HS3ST5: variants seen among roughly 807,000 people sequenced by gnomAD.
HS3ST5 encodes heparan sulfate glucosamine 3-O-sulfotransferase 5.
In HS3ST5, 10 loss-of-function variants were observed where a neutral mutation model predicts 25.4. The ratio of observed to expected loss-of-function variants is 0.39; its 90% CI spans 0.24 to 0.67. The LOEUF (loss-of-function observed/expected upper bound fraction) is 0.67, where lower values mean the gene tolerates loss of function less well. HS3ST5 is among the 30% of genes least tolerant of loss of function. The pLI is 0.44. For missense variants in HS3ST5, 324 were observed against 420.7 expected (o/e 0.77, Z 2.01); for synonymous variants, 170 against 162.4 (o/e 1.05, Z -0.36).
intron 3 of HS3ST5, among the ~76,000 whole-genome samples, chr6:114,111,861 C>T (rs1383630075): frequency 1.3e-5 from 2 of 152,170 alleles, no homozygotes; most frequent in Admixed American, 1.3e-4. Flanking sequence ...TTTGAAACCT[C>T]CTGCCTCAAC....
chr6:114,331,694 T>TA (rs1032213339), intron 1 of HS3ST5, among the ~76,000 whole-genome samples: 75 of 152,124 alleles, frequency 4.9e-4, no homozygotes, highest in Admixed American at 1.3e-3. Context: ...CATGCACATC[T>TA]AAAAAAAGAG....
At chr6:114,232,290 A>G (rs1484501124) in intron 1 of HS3ST5, among the ~76,000 whole-genome samples, 16 of 152,208 alleles carry the variant, frequency 1.1e-4, no homozygotes, top group Admixed American at 1.0e-3. Context: ...ATGACCAATC[A>G]TTTGGTGATG....
intron 1 of HS3ST5, among the ~76,000 whole-genome samples, chr6:114,288,732 C>G (rs759828907): frequency 2.6e-5 from 4 of 152,076 alleles, no homozygotes; most frequent in Non-Finnish European, 5.9e-5. Flanking sequence ...TCCAAAATTT[C>G]TCACCTGCTT....
intron 3 of HS3ST5, among the ~76,000 whole-genome samples, chr6:114,152,330 T>C (rs1210211094): frequency 1.3e-5 from 2 of 151,578 alleles, no homozygotes; most frequent in Admixed American, 1.3e-4. Context: ...TTCACACTTC[T>C]TTGTTTCAGT....
At chr6:114,338,587 C>A (rs1380931487) in intron 1 of HS3ST5, among the ~76,000 whole-genome samples, 2 of 151,932 alleles carry the variant, frequency 1.3e-5, no homozygotes, top group African/African-American at 4.8e-5. Flanking sequence ...ATATGAATTT[C>A]CATATGTAAT....
At chr6:114,105,932 A>G (rs1480096336) in intron 3 of HS3ST5, among the ~76,000 whole-genome samples, 3 of 152,154 alleles carry the variant, frequency 2.0e-5, no homozygotes, top group Non-Finnish European at 4.4e-5. Flanking sequence ...ATGTTCTTTT[A>G]CAAATGGATT....
At position 114,258,763 on chromosome 6, in the gene HS3ST5, T is replaced by A. The variant is rs554380418; in HGVS notation, c.-338-29985A>T. Reference sequence around the variant, plus strand: ...GCTATATTCTTTTAACTACCTGGAGTCCCTGGTTTTGATCTTCTAAGGTCT... The same window carrying A: ...GCTATATTCTTTTAACTACCTGGAGACCCTGGTTTTGATCTTCTAAGGTCT... On this transcript the variant is annotated intron_variant, in intron 1 of 4. Transcript: ENST00000312719. Among the ~76,000 whole-genome samples the A allele has an allele frequency of 2.5e-4, 38 of 152,224 alleles. 1 individual carries two copies. Among genetic ancestry groups the A allele is most frequent in the African/African-American group, 8.7e-4 (36 of 41,534 alleles).
chr6:114,149,631 G>A (rs1302642704), intron 3 of HS3ST5, among the ~76,000 whole-genome samples: 3 of 152,046 alleles, frequency 2.0e-5, no homozygotes, highest in Admixed American at 6.6e-5. Context: ...CCTAATGCAT[G>A]TGGGGCTTAA....
At position 114,199,875 on chromosome 6, in the gene HS3ST5, A is replaced by G. The variant is rs951785861; in HGVS notation, c.-145+28710T>C. ...TTTTGTGGCAAGTAGCTTAACTTCA[A>G]TGGGCACCTTGCTCCAATTTGCAAA... is the stretch of plus-strand genomic sequence containing the variant. On this transcript the variant is annotated intron_variant, in intron 2 of 4. Coordinates refer to ENST00000312719, the MANE Select transcript of HS3ST5 (RefSeq NM_153612.4). Among the ~76,000 whole-genome samples, 7 of 152,164 alleles carry G rather than the reference A, an allele frequency of 4.6e-5. No individual in the cohort carries two copies. In the East Asian group the frequency reaches 1.2e-3, roughly 25 times the overall value.
intron 3 of HS3ST5, among the ~76,000 whole-genome samples, chr6:114,098,731 A>G (rs1055775552): frequency 1.3e-5 from 2 of 151,942 alleles, no homozygotes; most frequent in Admixed American, 1.3e-4. Context: ...GGTAATTTGC[A>G]TTCATCTTAG....
At chr6:114,146,132 T>G (rs1026058226) in intron 3 of HS3ST5, among the ~76,000 whole-genome samples, 13 of 152,210 alleles carry the variant, frequency 8.5e-5, no homozygotes, top group African/African-American at 3.1e-4. Context: ...TGCTTCTAGA[T>G]ATGTCTCTTC....
intron 3 of HS3ST5, among the ~76,000 whole-genome samples, chr6:114,126,425 G>A (rs1777041234): frequency 6.6e-6 from 1 of 152,290 alleles, no homozygotes; most frequent in African/African-American, 2.4e-5. Flanking sequence ...GAGGTGGTAT[G>A]AAAAGCACTA....
At chr6:114,316,853 A>G (rs1291951699) in intron 1 of HS3ST5, among the ~76,000 whole-genome samples, 2 of 152,210 alleles carry the variant, frequency 1.3e-5, no homozygotes, top group African/African-American at 4.8e-5. Flanking sequence ...GAACATGCCA[A>G]TGTTTTAGAT....
intron 2 of HS3ST5, among the ~76,000 whole-genome samples, chr6:114,176,550 G>C (rs1779732318): frequency 6.6e-6 from 1 of 152,058 alleles, no homozygotes; most frequent in South Asian, 2.1e-4. Flanking sequence ...TTCACAACAA[G>C]GGTTATGTAT....
At chr6:114,082,823 C>G (rs866726541) in intron 3 of HS3ST5, among the ~76,000 whole-genome samples, 3 of 152,162 alleles carry the variant, frequency 2.0e-5, no homozygotes, top group Admixed American at 6.5e-5. Flanking sequence ...CCTGCCAAAC[C>G]TTACTCACCC....
chr6:114,249,821 T>C (rs1012632615), intron 1 of HS3ST5, among the ~76,000 whole-genome samples: 5 of 152,186 alleles, frequency 3.3e-5, no homozygotes, highest in African/African-American at 1.2e-4. Flanking sequence ...CAGCTGTTGT[T>C]ATCAAAACAC....
At chr6:114,076,001 T>TAC (rs923253092) in intron 3 of HS3ST5, among the ~76,000 whole-genome samples, 2 of 151,868 alleles carry the variant, frequency 1.3e-5, no homozygotes, top group Admixed American at 6.6e-5. Flanking sequence ...TGCTGTGAGA[T>TAC]ACACACACAC....
intron 3 of HS3ST5, among the ~76,000 whole-genome samples, chr6:114,065,422 C>G (rs1773393771): frequency 6.6e-6 from 1 of 152,200 alleles, no homozygotes; most frequent in Admixed American, 6.5e-5. Flanking sequence ...AGTTGCAGAA[C>G]AGGGTGGCAG....
intron 3 of HS3ST5, among the ~76,000 whole-genome samples, chr6:114,123,321 C>T (rs534458733): frequency 6.1e-4 from 93 of 152,284 alleles, no homozygotes; most frequent in Non-Finnish European, 7.8e-4. Flanking sequence ...TATCTTCTAG[C>T]CCAAGACATT....
Sources: allele counts gnomAD v4.1 joint callset (sites outside exome capture counted in the v4.1 genomes callset), GRCh38; gene constraint gnomAD v4.1.1; transcripts MANE v1.5; gene names NCBI Gene and HGNC (gene_info 2026-07-23, HGNC 2026-07-21).